RHOBTB2: variants seen among roughly 807,000 people sequenced by gnomAD.
RHOBTB2 encodes rho-related BTB domain-containing protein 2.
A neutral mutation model predicts 66.5 loss-of-function variants in RHOBTB2; 39 were observed. The observed-to-expected ratio is 0.59, with a 90% CI of 0.45 to 0.77. The LOEUF (loss-of-function observed/expected upper bound fraction) is 0.77. Among genes scored for constraint, RHOBTB2 ranks in the 30% least tolerant of loss-of-function variants. The pLI is 0.00. For missense variants in RHOBTB2, 755 were observed against 999.1 expected, an observed-to-expected ratio of 0.76 and a Z score of 3.29; for synonymous variants, 390 against 395.0, an observed-to-expected ratio of 0.99 and a Z score of 0.15.
At chr8:22,970,721 T>A in the RHOBTB2 span, among the ~76,000 whole-genome samples, 18 of 151,966 alleles carry the variant, frequency 1.2e-4, no homozygotes, top group Admixed American at 3.3e-4. Flanking sequence ...TCTCCCAAAG[T>A]GCTGAGATTA....
At chr8:22,979,949 G>A in the RHOBTB2 span, among the ~76,000 whole-genome samples, 2 of 151,574 alleles carry the variant, frequency 1.3e-5, no homozygotes, top group African/African-American at 4.8e-5. Flanking sequence ...TAGTAGAGAC[G>A]GGGTTTCACC....
At chr8:22,997,072 A>C (rs534910614), upstream of RHOBTB2, among the ~76,000 whole-genome samples, 1 of 152,120 alleles carries the variant, frequency 6.6e-6, no homozygotes, top group South Asian at 2.1e-4. Context: ...CAGCGTGGGG[A>C]ATGCTGCCAT....
chr8:22,959,478 T>C, the RHOBTB2 span, among the ~76,000 whole-genome samples: 1 of 152,112 alleles, frequency 6.6e-6, no homozygotes, highest in Admixed American at 6.5e-5. Flanking sequence ...GGTCTCCAAC[T>C]CCTGACCTCA....
chr8:22,993,565 G>A (rs567643797), intron 2 of RHOBTB2, among the ~76,000 whole-genome samples: 1 of 152,212 alleles, frequency 6.6e-6, no homozygotes, highest in Non-Finnish European at 1.5e-5. Context: ...AAGGGACAAT[G>A]TGATCTCCCC....
chr8:22,958,900 G>A, the RHOBTB2 span, among the ~76,000 whole-genome samples: 11 of 150,230 alleles, frequency 7.3e-5, no homozygotes, highest in African/African-American at 2.7e-4. Context: ...GGGTAAGCCA[G>A]CATCACACAA....
At chr8:22,994,416 C>G (rs1381937258) in intron 2 of RHOBTB2, 4 of 534,968 alleles carry the variant, frequency 7.5e-6, no homozygotes, top group African/African-American at 5.8e-5. Flanking sequence ...CGCGCTGGAC[C>G]CGGACATCAG....
At chr8:23,002,833 C>T (rs746124301) in intron 1 of RHOBTB2, among the ~76,000 whole-genome samples, 4 of 152,160 alleles carry the variant, frequency 2.6e-5, no homozygotes, top group Non-Finnish European at 4.4e-5. Context: ...TCCAAAAAGG[C>T]GGAGGAGGTT....
intron 1 of RHOBTB2, chr8:23,003,911 T>G: frequency 5.3e-6 from 1 of 188,094 alleles, no homozygotes; most frequent in Non-Finnish European, 1.1e-5. Context: ...AGGGAAAGAG[T>G]GGAGGCCAGG....
In RHOBTB2 at chr8:23,010,524, C is replaced by T. The variant is rs766736771; in HGVS notation, c.1621-14C>T. 5 of 1,610,526 alleles carry T rather than the reference C, an allele frequency of 3.1e-6. No homozygotes were observed. The highest frequency in any genetic ancestry group is 1.1e-5 in the South Asian group (1 of 90,844). On this transcript the variant is annotated splice_polypyrimidine_tract_variant and intron_variant, in intron 6 of 9. Transcript: ENST00000251822. ...AGGATCTCATTGCTGTCCGCTCACT[C>T]CTTCCCTCCCCAGGTGGTGTTTCCC... is the stretch of plus-strand genomic sequence containing the variant.
rs369657060 is a variant in RHOBTB2, at chr8:23,004,943, G to C, written c.192+317G>C. On this transcript the variant is annotated intron_variant, in intron 2 of 9. Coordinates refer to ENST00000251822, the MANE Select transcript of RHOBTB2 (RefSeq NM_015178.3). This position sits in a 1 kb window ranked among gnomAD's most constrained non-coding sequence, Gnocchi z 6.4. ...CACTGGAGGGCTGGGGCTTGGAAGA[G>C]ATACAAGCTGAGAGGAGCAAAGAAG... is the stretch of plus-strand genomic sequence containing the variant. The C allele has an allele frequency of 6.6e-5, 30 of 451,994 alleles. No individual in the cohort carries two copies. In the East Asian group the frequency reaches 8.7e-4, roughly 13 times the overall value. 28.0% of individuals were successfully genotyped at this position (451,994 alleles called of 1,614,324 possible).
At chr8:23,003,441 T>C (rs77890917) in intron 1 of RHOBTB2, among the ~76,000 whole-genome samples, 5,034 of 152,314 alleles carry the variant, frequency 0.033, 256 homozygotes, top group African/African-American at 0.11. Context: ...TTTCTGGCAA[T>C]CCCATCGCCC....
the RHOBTB2 span, among the ~76,000 whole-genome samples, chr8:22,958,883 C>T: frequency 2.0e-5 from 3 of 150,310 alleles, no homozygotes; most frequent in Non-Finnish European, 4.4e-5. Flanking sequence ...GAATGGGACC[C>T]AGAATGGGGT....
rs141836119 is a variant in RHOBTB2, at chr8:23,014,773, G to A, written c.1855G>A (p.Ala619Thr). Residue 619 changes from alanine to threonine, a missense_variant, in exon 8 of 10, where the codon GCT (alanine) becomes ACT (threonine). Physicochemically the swap from Ala to Thr is moderately conservative, Grantham distance 58. Around this residue, in one of 7 missense-constraint regions of RHOBTB2, gnomAD observed 353 missense variants for 458.2 expected, o/e 0.77. Transcript: ENST00000251822. ...GGACGTCCTTGTGTTCCTGGAACTG[G>A]CTCAGGTATCATGGCAGGGGAGGGA... Reference protein sequence around the residue: ...DGDVLVFLELAQFHCAYQLAD... With the variant: ...DGDVLVFLELTQFHCAYQLAD... 6.2e-7 allele frequency: 1 copy of A among 1,613,564 alleles called. No individual in the cohort carries two copies. The highest frequency in any genetic ancestry group is 1.1e-5 in the South Asian group (1 of 91,034).
In RHOBTB2 at chr8:22,990,783, T is replaced by C. The variant is rs1810406320; in HGVS notation, c.-136-1285T>C. 2.6e-5 allele frequency among the ~76,000 whole-genome samples: 4 copies of C among 152,102 alleles called. No individual in the cohort carries two copies. In the South Asian group the frequency reaches 8.3e-4, roughly 32 times the overall value. On this transcript the variant is annotated intron_variant, in intron 1 of 11. Transcript: ENST00000519685. ...AGCAGCAGCCTGTGGCCCCCGCCGC[T>C]CAACCCAGGCCCCCGCATCCCAGGC...
chr8:22,995,853 G>A (rs761610681), upstream of RHOBTB2: 1 of 1,551,570 alleles, frequency 6.4e-7, no homozygotes, highest in African/African-American at 1.4e-5. Flanking sequence ...AGGCTGTAGT[G>A]TTCCAGGAGA....
chr8:22,985,956 G>T (rs1050584492), upstream of RHOBTB2, among the ~76,000 whole-genome samples: 1 of 152,194 alleles, frequency 6.6e-6, no homozygotes, highest in Non-Finnish European at 1.5e-5. Context: ...GCTAGCAGGC[G>T]CAGGAGCAAG....
At chr8:22,970,841 T>C in the RHOBTB2 span, among the ~76,000 whole-genome samples, 1 of 152,204 alleles carries the variant, frequency 6.6e-6, no homozygotes, top group Non-Finnish European at 1.5e-5. Flanking sequence ...ACTCCGCAGA[T>C]GGTTGCTGCT....
chr8:22,994,869 G>A (rs957732486), upstream of RHOBTB2, among the ~76,000 whole-genome samples: 3 of 152,098 alleles, frequency 2.0e-5, no homozygotes, highest in East Asian at 1.9e-4. Context: ...AGGTTTAAGC[G>A]AGTCTCCTGC....
chr8:22,958,075 G>C, the RHOBTB2 span, among the ~76,000 whole-genome samples: 1 of 152,364 alleles, frequency 6.6e-6, no homozygotes, highest in East Asian at 1.9e-4. Flanking sequence ...TTGTAGACGT[G>C]CACTGGCTCT....
Sources: allele counts gnomAD v4.1 joint callset (sites outside exome capture counted in the v4.1 genomes callset), GRCh38; gene constraint gnomAD v4.1.1; regional missense constraint gnomAD v4.1.1; non-coding constraint Gnocchi (gnomAD v3.1); transcripts MANE v1.5; gene names NCBI Gene and HGNC (gene_info 2026-07-23, HGNC 2026-07-21).